The following CCSER1 variants were observed in gnomAD, a reference collection of about 807,000 sequenced individuals.
CCSER1 encodes the protein coiled-coil serine rich protein 1, also known as serine-rich coiled-coil domain-containing protein 1.
Under a neutral mutation model 82.0 loss-of-function variants are expected in CCSER1, and 41 were observed. The ratio of observed to expected loss-of-function variants is 0.50; its 90% confidence interval spans 0.39 to 0.65. The LOEUF is 0.65. CCSER1 is among the 30% of genes least tolerant of loss of function. CCSER1 has a pLI of 0.00. For missense variants in CCSER1, 1,119 were observed against 1,064.2 expected (o/e 1.05, Z -0.72); for synonymous variants, 414 against 383.9 (o/e 1.08, Z -0.92).
intron 9 of CCSER1, among the ~76,000 whole-genome samples, chr4:91,075,145 C>T (rs1001536241): frequency 1.3e-5 from 2 of 150,922 alleles, no homozygotes; most frequent in African/African-American, 4.9e-5. Flanking sequence ...CATGCAGTTA[C>T]TAGAATGCAA....
At chr4:90,789,701 C>G (rs1754982382) in intron 7 of CCSER1, among the ~76,000 whole-genome samples, 1 of 152,166 alleles carries the variant, frequency 6.6e-6, no homozygotes, top group Non-Finnish European at 1.5e-5. Flanking sequence ...TGCACTAGCT[C>G]TTTCTTCTTG....
In CCSER1 at chr4:91,431,196, A is replaced by G. The variant is rs534330468; in HGVS notation, c.2218-167376A>G. On this transcript the variant is annotated intron_variant, in intron 10 of 10. Transcript: ENST00000509176. ...ACTTAGAGTGAGCGGAGATGGCGCCAATGCACTCCAGTCTGGGCAACAGAG... is the reference window on the plus strand; with the variant it reads ...ACTTAGAGTGAGCGGAGATGGCGCCGATGCACTCCAGTCTGGGCAACAGAG... 3.2e-3 allele frequency among the ~76,000 whole-genome samples: 484 copies of G among 152,292 alleles called. 2 individuals carry two copies. The highest frequency in any genetic ancestry group is 4.7e-3 in the Non-Finnish European group (317 of 68,034).
intron 4 of CCSER1, among the ~76,000 whole-genome samples, chr4:90,416,698 A>G (rs1201296056): frequency 6.6e-6 from 1 of 152,140 alleles, no homozygotes; most frequent in African/African-American, 2.4e-5. Flanking sequence ...ATGTTTTATC[A>G]TTATTATAAA....
chr4:90,332,645 GTCTT>G (rs1172115508), intron 3 of CCSER1, among the ~76,000 whole-genome samples: 3 of 152,090 alleles, frequency 2.0e-5, no homozygotes, highest in Non-Finnish European at 4.4e-5. Flanking sequence ...TTATCACATT[GTCTT>G]TCTTTCTCTC....
At chr4:90,787,230 T>G (rs1371360319) in intron 7 of CCSER1, among the ~76,000 whole-genome samples, 2 of 152,076 alleles carry the variant, frequency 1.3e-5, no homozygotes, top group African/African-American at 4.8e-5. Context: ...TTAATACAAT[T>G]AGAAAAGCAG....
chr4:90,948,380 A>T (rs1732509464), intron 9 of CCSER1, among the ~76,000 whole-genome samples: 1 of 151,872 alleles, frequency 6.6e-6, no homozygotes, highest in Non-Finnish European at 1.5e-5. Flanking sequence ...TTTAAAAAAT[A>T]ATTATTGAAG....
chr4:90,850,081 A>T (rs1367768373), intron 8 of CCSER1, among the ~76,000 whole-genome samples: 4 of 152,034 alleles, frequency 2.6e-5, no homozygotes, highest in African/African-American at 9.7e-5. Flanking sequence ...GGGCCAAGGT[A>T]CTCCTCAGAC....
chr4:91,155,048 C>A (rs2148962868), intron 10 of CCSER1, among the ~76,000 whole-genome samples: 1 of 146,662 alleles, frequency 6.8e-6, no homozygotes, highest in African/African-American at 2.4e-5. Context: ...AAAAAAAATC[C>A]TAAAACCTAG....
intron 5 of CCSER1, among the ~76,000 whole-genome samples, chr4:90,570,930 A>T (rs1055059485): frequency 6.6e-6 from 1 of 152,090 alleles, no homozygotes; most frequent in Admixed American, 6.6e-5. Flanking sequence ...ACCCTTACAG[A>T]GTCTTGGCCC....
intron 6 of CCSER1, among the ~76,000 whole-genome samples, chr4:90,697,770 C>T (rs1404215158): frequency 6.6e-6 from 1 of 152,066 alleles, no homozygotes; most frequent in Non-Finnish European, 1.5e-5. Context: ...GTATTTTTCC[C>T]TGTATCTACT....
In CCSER1 at chr4:90,950,612, G is replaced by A. The variant is rs531079956; in HGVS notation, c.2172+27165G>A. Among the ~76,000 whole-genome samples the A allele has an allele frequency of 4.4e-3, 664 of 152,090 alleles. 8 individuals carry two copies. Among genetic ancestry groups the A allele is most frequent in the African/African-American group, 0.015 (638 of 41,510 alleles). On this transcript the variant is annotated intron_variant, in intron 9 of 10. Coordinates refer to ENST00000509176, the MANE Select transcript of CCSER1 (RefSeq NM_001145065.2). Reference sequence around the variant, plus strand: ...GAGAAAGGAAGTCATCTCTGTTTTTGGTACAGGCTTTTGTGTAACTATAGA... The same window carrying A: ...GAGAAAGGAAGTCATCTCTGTTTTTAGTACAGGCTTTTGTGTAACTATAGA...
At chr4:91,573,165 C>T (rs1763276150) in intron 10 of CCSER1, among the ~76,000 whole-genome samples, 1 of 152,198 alleles carries the variant, frequency 6.6e-6, no homozygotes, top group African/African-American at 2.4e-5. Flanking sequence ...CCCTGGTTGG[C>T]TTGTACTCCA....
intron 10 of CCSER1, chr4:91,319,773 C>T (rs1311338454): frequency 4.4e-6 from 2 of 454,626 alleles, no homozygotes; most frequent in Non-Finnish European, 8.8e-6. Flanking sequence ...AGCTGCTTCT[C>T]TTATGCTCTA....
At chr4:90,979,155 TTTTAA>T (rs1454716140) in intron 9 of CCSER1, among the ~76,000 whole-genome samples, 2 of 151,300 alleles carry the variant, frequency 1.3e-5, no homozygotes, top group Non-Finnish European at 3.0e-5. Context: ...AAATATATAC[TTTTAA>T]TTATATTTAA....
intron 9 of CCSER1, among the ~76,000 whole-genome samples, chr4:91,069,188 T>A (rs1721172715): frequency 6.6e-6 from 1 of 152,018 alleles, no homozygotes; most frequent in Non-Finnish European, 1.5e-5. Flanking sequence ...AAAATAAAAA[T>A]TTTGATTTTC....
chr4:90,905,071 T>C (rs1725253784), intron 8 of CCSER1, among the ~76,000 whole-genome samples: 1 of 152,102 alleles, frequency 6.6e-6, no homozygotes, highest in Non-Finnish European at 1.5e-5. Flanking sequence ...TTATTCACTT[T>C]TAAATCTAAC....
intron 9 of CCSER1, among the ~76,000 whole-genome samples, chr4:91,080,705 A>G (rs944183562): frequency 3.9e-5 from 6 of 152,210 alleles, no homozygotes; most frequent in Non-Finnish European, 8.8e-5. Flanking sequence ...GAAGAATCAA[A>G]TAGATACAAT....
At chr4:90,325,147 T>A (rs1175411620) in intron 3 of CCSER1, among the ~76,000 whole-genome samples, 1 of 152,216 alleles carries the variant, frequency 6.6e-6, no homozygotes, top group Non-Finnish European at 1.5e-5. Context: ...TGCCTGAATA[T>A]TTGTTCAGTT....
intron 10 of CCSER1, among the ~76,000 whole-genome samples, chr4:91,315,337 AG>A (rs1259108650): frequency 6.6e-6 from 1 of 152,002 alleles, no homozygotes; most frequent in Admixed American, 6.6e-5. Context: ...ATTAATAGAA[AG>A]CAGTACACCT....
Sources: allele counts gnomAD v4.1 joint callset (sites outside exome capture counted in the v4.1 genomes callset), GRCh38; gene constraint gnomAD v4.1.1; transcripts MANE v1.5; gene names NCBI Gene and HGNC (gene_info 2026-07-23, HGNC 2026-07-21).